Variants in MACROD2 observed in about 807,000 individuals in gnomAD.
MACROD2 encodes mono-ADP ribosylhydrolase 2.
MACROD2 carries 36 observed loss-of-function variants against 70.4 expected under a neutral mutation model. The ratio of observed to expected loss-of-function variants is 0.51; its 90% CI spans 0.39 to 0.68. The LOEUF is 0.68. MACROD2 is among the 30% of genes least tolerant of loss of function. The pLI, the probability that MACROD2 is intolerant of heterozygous loss-of-function variation, is 0.00. For missense variants in MACROD2, 496 were observed against 538.4 expected (o/e 0.92, Z 0.78); for synonymous variants, 172 against 178.8 (o/e 0.96, Z 0.30).
chr20:14,188,274 C>T (rs901293826), intron 3 of MACROD2, among the ~76,000 whole-genome samples: 3 of 152,008 alleles, frequency 2.0e-5, no homozygotes, highest in African/African-American at 7.2e-5. Context: ...GTACCTCTTA[C>T]GTACATTATA....
intron 4 of MACROD2, among the ~76,000 whole-genome samples, chr20:14,666,317 T>C (rs1045163734): frequency 2.0e-5 from 3 of 152,228 alleles, no homozygotes; most frequent in African/African-American, 7.2e-5. Context: ...TACTCTTGTA[T>C]ACAAATAATC....
intron 3 of MACROD2, among the ~76,000 whole-genome samples, chr20:14,119,902 A>G (rs571137523): frequency 6.6e-6 from 1 of 152,214 alleles, no homozygotes; most frequent in East Asian, 1.9e-4. Flanking sequence ...ATATGAACAG[A>G]CACTTCTCGA....
At chr20:15,227,739 C>T (rs1322740928) in intron 5 of MACROD2, among the ~76,000 whole-genome samples, 1 of 151,202 alleles carries the variant, frequency 6.6e-6, no homozygotes, top group African/African-American at 2.4e-5. Flanking sequence ...ATATTCTCCT[C>T]CTGGAGACGC....
At position 15,844,599 on chromosome 20, in the gene MACROD2, G is replaced by A. The variant is rs995366763; in HGVS notation, c.646-18146G>A. ...TGTAAGTAAGCTCCCAGACTTCACC[G>A]TACACCTAGTGTTGTACTATTTATG... On this transcript the variant is annotated intron_variant, in intron 8 of 17. Coordinates refer to ENST00000684519, the MANE Select transcript of MACROD2 (RefSeq NM_001351661.2). Among the ~76,000 whole-genome samples, 13 of 152,088 alleles carry A rather than the reference G, an allele frequency of 8.5e-5. No homozygotes were observed. In the East Asian group the frequency reaches 1.2e-3, roughly 14 times the overall value.
At chr20:14,175,522 C>T (rs2081256404) in intron 3 of MACROD2, among the ~76,000 whole-genome samples, 1 of 152,088 alleles carries the variant, frequency 6.6e-6, no homozygotes, top group Admixed American at 6.6e-5. Context: ...AGTCTGTAAC[C>T]TTCACAAGTG....
chr20:15,703,907 A>G (rs2050495834), intron 8 of MACROD2, among the ~76,000 whole-genome samples: 1 of 152,214 alleles, frequency 6.6e-6, no homozygotes, highest in South Asian at 2.1e-4. Flanking sequence ...AATTTTTAAA[A>G]TTTACTTTAC....
At chr20:15,045,429 C>T (rs6135332) in intron 5 of MACROD2, among the ~76,000 whole-genome samples, 1 of 152,008 alleles carries the variant, frequency 6.6e-6, no homozygotes, top group East Asian at 1.9e-4. Flanking sequence ...GATTTGGCAG[C>T]ACATTTGAGG....
At chr20:15,509,250 G>T (rs536819730) in intron 8 of MACROD2, among the ~76,000 whole-genome samples, 1 of 152,292 alleles carries the variant, frequency 6.6e-6, no homozygotes, top group South Asian at 2.1e-4. Context: ...ACCATCAAAA[G>T]ATAGTAATTA....
intron 5 of MACROD2, among the ~76,000 whole-genome samples, chr20:15,078,199 TG>T (rs1314652987): frequency 4.6e-5 from 7 of 152,104 alleles, no homozygotes; most frequent in Non-Finnish European, 1.0e-4. Context: ...GTTTGCCAGC[TG>T]GAAAAAAAGT....
intron 3 of MACROD2, among the ~76,000 whole-genome samples, chr20:14,361,742 A>C (rs2083223490): frequency 6.6e-6 from 1 of 152,182 alleles, no homozygotes; most frequent in East Asian, 1.9e-4. Flanking sequence ...GTGTCTAAAA[A>C]CCATAAGGGC....
chr20:14,983,036 C>T (rs2074815899), intron 5 of MACROD2, among the ~76,000 whole-genome samples: 1 of 152,174 alleles, frequency 6.6e-6, no homozygotes, highest in Non-Finnish European at 1.5e-5. Flanking sequence ...CTATGGGAAC[C>T]CACCTCTAGC....
At chr20:15,691,977 TA>T (rs2050304778) in intron 8 of MACROD2, among the ~76,000 whole-genome samples, 1 of 152,218 alleles carries the variant, frequency 6.6e-6, no homozygotes. Flanking sequence ...CCTCGGTTCT[TA>T]GATACTTTTC....
chr20:14,299,203 G>A (rs921193624), intron 3 of MACROD2, among the ~76,000 whole-genome samples: 3 of 152,106 alleles, frequency 2.0e-5, no homozygotes, highest in African/African-American at 7.2e-5. Context: ...AATTGCCACA[G>A]CCACCCCAGC....
At chr20:14,797,439 T>C (rs577666409) in intron 5 of MACROD2, among the ~76,000 whole-genome samples, 23 of 152,128 alleles carry the variant, frequency 1.5e-4, no homozygotes, top group African/African-American at 4.6e-4. Context: ...TCTCTCTCCA[T>C]TACTCTGCTC....
chr20:15,216,492 G>A (rs1048980513), intron 5 of MACROD2, among the ~76,000 whole-genome samples: 2 of 152,058 alleles, frequency 1.3e-5, no homozygotes, highest in Non-Finnish European at 2.9e-5. Context: ...CACAGTAGAC[G>A]TGAATGAAGA....
chr20:15,811,710 T>C (rs1176716731), intron 8 of MACROD2, among the ~76,000 whole-genome samples: 2 of 152,010 alleles, frequency 1.3e-5, no homozygotes, highest in Non-Finnish European at 2.9e-5. Flanking sequence ...ATGGATAAGA[T>C]AGTTTCATAA....
chr20:14,973,487 T>G (rs1230668716), intron 5 of MACROD2, among the ~76,000 whole-genome samples: 2 of 152,118 alleles, frequency 1.3e-5, no homozygotes, highest in African/African-American at 4.8e-5. Flanking sequence ...CCTCCCAAAG[T>G]GGTGGGATTA....
rs569601736 is a variant in MACROD2 at position 16,021,360 on chromosome 20, G to A, written c.1154-19841G>A. ...GGATCCTCCAATAAGGAGACACCTA[G>A]TTGGAGTTAGGAGAGCACAGGGCTC... On this transcript the variant is annotated intron_variant, in intron 15 of 17. Coordinates refer to ENST00000684519, the MANE Select transcript of MACROD2 (RefSeq NM_001351661.2). Among the ~76,000 whole-genome samples, 57 of 152,270 alleles carry A rather than the reference G, an allele frequency of 3.7e-4. 2 individuals carry two copies. In the South Asian group the frequency reaches 0.01, roughly 27 times the overall value.
At chr20:15,883,730 T>A (rs1466775494) in intron 9 of MACROD2, among the ~76,000 whole-genome samples, 1 of 152,118 alleles carries the variant, frequency 6.6e-6, no homozygotes, top group Non-Finnish European at 1.5e-5. Context: ...TTACAAAGTA[T>A]CATATAGCTA....
Sources: allele counts gnomAD v4.1 joint callset (sites outside exome capture counted in the v4.1 genomes callset), GRCh38; gene constraint gnomAD v4.1.1; transcripts MANE v1.5; gene names NCBI Gene and HGNC (gene_info 2026-07-23, HGNC 2026-07-21).